The following CARNMT1 variants were observed in gnomAD, a reference collection of about 807,000 sequenced individuals.
CARNMT1 encodes the protein protein-L-histidine N-pros-methyltransferase CARNMT1.
In CARNMT1, 28 loss-of-function variants were observed where a neutral mutation model predicts 49.6. The observed-to-expected ratio is 0.56, with a 90% CI of 0.42 to 0.77. The LOEUF is 0.77. Among genes scored for constraint, CARNMT1 ranks in the 30% least tolerant of loss-of-function variants. CARNMT1 has a pLI of 0.00. For synonymous variants in CARNMT1, 178 were observed against 175.0 expected, an observed-to-expected ratio of 1.02 and a Z score of -0.13; for missense variants, 421 against 512.6, an observed-to-expected ratio of 0.82 and a Z score of 1.73.
chr9:75,021,713 T>C (rs1021238164), intron 1 of CARNMT1, among the ~76,000 whole-genome samples: 2 of 152,020 alleles, frequency 1.3e-5, no homozygotes, highest in South Asian at 4.2e-4. Context: ...GGAAGCCTGT[T>C]TGAGGCCAGG....
At chr9:75,017,222 A>G in intron 2 of CARNMT1, 31 bp downstream of exon 2, 3 of 1,564,716 alleles carry the variant, frequency 1.9e-6, no homozygotes, top group Non-Finnish European at 1.8e-6. Context: ...TGACCCTAAA[A>G]TAAACAGAAA....
chr9:75,027,234 G>A (rs535701304), intron 1 of CARNMT1: 52 of 956,944 alleles, frequency 5.4e-5, no homozygotes, highest in South Asian at 3.1e-4. Flanking sequence ...CTATCTAGAA[G>A]AAACGTGGAA....
intron 6 of CARNMT1, among the ~76,000 whole-genome samples, chr9:74,990,100 A>G (rs1186743691): frequency 3.3e-5 from 5 of 152,330 alleles, no homozygotes; most frequent in South Asian, 2.1e-4. Context: ...CTATTGTTAC[A>G]TATTTTAATG....
At chr9:75,008,171 A>T (rs1833574440) in intron 3 of CARNMT1, among the ~76,000 whole-genome samples, 6 of 73,074 alleles carry the variant, frequency 8.2e-5, no homozygotes, top group South Asian at 9.4e-4. Context: ...GATGAGCTAA[A>T]AAAAAAAAAA....
chr9:75,017,168 T>G, intron 2 of CARNMT1, 85 bp downstream of exon 2: 2 of 1,059,490 alleles, frequency 1.9e-6, no homozygotes, highest in Non-Finnish European at 2.8e-6. Context: ...TGCCAGATTA[T>G]AAAAATGAAA....
At chr9:75,018,866 C>A (rs994448393) in intron 1 of CARNMT1, among the ~76,000 whole-genome samples, 14 of 151,212 alleles carry the variant, frequency 9.3e-5, no homozygotes, top group Non-Finnish European at 1.5e-4. Flanking sequence ...ACTTGGAAGG[C>A]TGAGGCAGGA....
At chr9:75,023,701 G>A (rs1394541621) in intron 1 of CARNMT1, among the ~76,000 whole-genome samples, 1 of 152,168 alleles carries the variant, frequency 6.6e-6, no homozygotes, top group Admixed American at 6.5e-5. Context: ...TTGCTTTAAG[G>A]CAGGGGCCCA....
chr9:75,005,753 G>A (rs192803471), intron 3 of CARNMT1, among the ~76,000 whole-genome samples: 122 of 150,530 alleles, frequency 8.1e-4, no homozygotes, highest in African/African-American at 2.9e-3. Flanking sequence ...GATTACAGGC[G>A]TGAGCCACCG....
intron 4 of CARNMT1, among the ~76,000 whole-genome samples, 175 bp downstream of exon 4, chr9:74,999,555 T>G (rs1289967517): frequency 6.6e-6 from 1 of 152,144 alleles, no homozygotes; most frequent in Admixed American, 6.5e-5. Flanking sequence ...AACTAGGCAA[T>G]TGGTTCAAGT....
rs71368697 is a variant in CARNMT1, at chr9:75,008,168, TAAAAAAAAA to T, written c.590+8091_590+8099del. Among the ~76,000 whole-genome samples, 4 of 48,718 alleles carry T rather than the reference TAAAAAAAAA, an allele frequency of 8.2e-5. No individual in the cohort carries two copies. The South Asian group carries it at 2.9e-3, about 35-fold the overall frequency. 32.0% of individuals were successfully genotyped at this position (48,718 alleles called of 152,430 possible). A position where few individuals can be genotyped will look rare whatever the true frequency, so the allele number is the denominator to read the frequency against. ...ATAACACTAAAAACAGCTGATGAGC[TAAAAAAAAA>T]AAAAAAAAAAAAAAAAAAACCCTCA... is the stretch of plus-strand genomic sequence containing the variant. On this transcript the variant is annotated intron_variant, in intron 3 of 7. Transcript: ENST00000376834.
chr9:75,016,148 A>G, intron 3 of CARNMT1, 120 bp downstream of exon 3: 1 of 706,562 alleles, frequency 1.4e-6, no homozygotes, highest in East Asian at 2.6e-5. Flanking sequence ...ACACTTACAC[A>G]TGTAAAACAT....
At chr9:75,027,115 C>T (rs1822553956) in intron 1 of CARNMT1, 1 of 1,304,100 alleles carries the variant, frequency 7.7e-7, no homozygotes. Context: ...CACCGGTGGA[C>T]TCATATCTCT....
At chr9:75,016,705 G>A in intron 2 of CARNMT1, 1 of 354,332 alleles carries the variant, frequency 2.8e-6, no homozygotes, top group African/African-American at 2.1e-5. Context: ...AGCTGCTATG[G>A]AGACCGAACA....
At chr9:74,988,649 T>C (rs893937986) in intron 6 of CARNMT1, among the ~76,000 whole-genome samples, 9 of 152,196 alleles carry the variant, frequency 5.9e-5, no homozygotes, top group African/African-American at 1.7e-4. Context: ...CTAATAAACA[T>C]AGGTAATAGT....
rs1229593473 is a variant in CARNMT1, at chr9:74,983,702, T to C, written c.*65A>G. 5 of 927,418 alleles carry C rather than the reference T, an allele frequency of 5.4e-6. No individual in the cohort carries two copies. Among genetic ancestry groups the C allele is most frequent in the African/African-American group, 5.0e-5 (3 of 60,546 alleles). The allele number at this position is 927,418 out of a possible 1,614,324, so 57.4% of individuals were successfully genotyped here. A position where few individuals can be genotyped will look rare whatever the true frequency, so the allele number is the denominator to read the frequency against. Reference sequence around the variant, plus strand: ...GTCCTGTCATCACTGATAGTTGATTTTGAGTCGTTGATTTCAGCATTTGTT... The same window carrying C: ...GTCCTGTCATCACTGATAGTTGATTCTGAGTCGTTGATTTCAGCATTTGTT... On this transcript the variant is annotated 3_prime_UTR_variant, in exon 8 of 8. Coordinates refer to ENST00000376834, the MANE Select transcript of CARNMT1 (RefSeq NM_152420.3).
intron 3 of CARNMT1, among the ~76,000 whole-genome samples, chr9:75,000,215 T>C (rs1833313478): frequency 6.6e-6 from 1 of 152,108 alleles, no homozygotes; most frequent in Non-Finnish European, 1.5e-5. Context: ...CCCAATTAAA[T>C]ATGAAGAGTT....
Position 75,007,280 on chromosome 9 carries a change from T to G in CARNMT1, c.591-7410A>C, listed in dbSNP as rs150777126. ...AATTATTTACCATGACCAAGTGGTATTTATCCCAGGAATGCAAGGGTGGTT... is the reference window on the plus strand; with the variant it reads ...AATTATTTACCATGACCAAGTGGTAGTTATCCCAGGAATGCAAGGGTGGTT... On this transcript the variant is annotated intron_variant, in intron 3 of 7. Coordinates refer to ENST00000376834, the MANE Select transcript of CARNMT1 (RefSeq NM_152420.3). 3.6e-4 allele frequency among the ~76,000 whole-genome samples: 55 copies of G among 152,288 alleles called. 3 individuals are homozygous for G. Among genetic ancestry groups the G allele is most frequent in the African/African-American group, 1.3e-3 (54 of 41,548 alleles).
Position 74,984,968 on chromosome 9 carries a change from G to T in CARNMT1, c.1067C>A (p.Ser356Tyr). 1 of 1,613,812 alleles carries T rather than the reference G, an allele frequency of 6.2e-7. No individual in the cohort carries two copies. The highest frequency in any genetic ancestry group is 8.5e-7 in the Non-Finnish European group (1 of 1,179,880). ...TATATCCTCATAGCTCAATTCTATG[G>T]AAAGTTCATTTGCCAGATTTTCAAA... is the stretch of plus-strand genomic sequence containing the variant. ...YHFENLANEL[S>Y]IELSYEDIKN... Residue 356 changes from serine to tyrosine, a missense_variant, in exon 7 of 8, where the codon TCC (serine) becomes TAC (tyrosine). By Grantham distance (144) the Ser-to-Tyr change is moderately radical (BLOSUM62 -2). Coordinates refer to ENST00000376834, the MANE Select transcript of CARNMT1 (RefSeq NM_152420.3).
chr9:74,991,632 T>C (rs1177681955), intron 6 of CARNMT1: 6 of 152,192 alleles, frequency 3.9e-5, no homozygotes, highest in African/African-American at 1.4e-4. Context: ...GAATTAAACT[T>C]ATGGTCTCTC....
Sources: gnomAD v4.1 joint callset for allele counts (sites outside exome capture counted in the v4.1 genomes callset) on GRCh38, gnomAD v4.1.1 for gene constraint, MANE v1.5 for transcripts, NCBI Gene and HGNC (gene_info 2026-07-23, HGNC 2026-07-21) for gene names.